The following LDB2 variants were observed in gnomAD, a reference collection of about 807,000 sequenced individuals.
LDB2 encodes LIM domain binding 2.
LDB2 carries 12 observed loss-of-function variants against 44.3 expected under a neutral mutation model. The observed-to-expected ratio is 0.27, with a 90% CI of 0.17 to 0.44. LDB2 has a LOEUF of 0.44. Ranked by LOEUF, LDB2 falls within the 20% of genes least tolerant of loss-of-function variation. The pLI is 1.00. For synonymous variants in LDB2, 164 were observed against 174.8 expected, an observed-to-expected ratio of 0.94 and a Z score of 0.49; for missense variants, 344 against 473.5, an observed-to-expected ratio of 0.73 and a Z score of 2.54.
At chr4:16,787,898 G>C (rs908385209) in intron 1 of LDB2, among the ~76,000 whole-genome samples, 2 of 152,136 alleles carry the variant, frequency 1.3e-5, no homozygotes, top group Non-Finnish European at 2.9e-5. Flanking sequence ...AGAAAGGGAA[G>C]TCAGGACCCA....
chr4:16,588,680 A>G (rs1358191735), intron 4 of LDB2, 30 bp downstream of exon 4: 1 of 1,608,090 alleles, frequency 6.2e-7, no homozygotes, highest in Admixed American at 1.7e-5. Context: ...AAAAAAGAAA[A>G]GAAAGCAAAA....
Position 16,645,406 on chromosome 4 carries a change from G to A in LDB2, c.236-49531C>T, listed in dbSNP as rs1464651400. Among the ~76,000 whole-genome samples the A allele has an allele frequency of 5.9e-5, 9 of 151,584 alleles. No individual in the cohort carries two copies. The South Asian group carries it at 1.5e-3, about 25-fold the overall frequency. On this transcript the variant is annotated intron_variant, in intron 2 of 7. Coordinates refer to ENST00000304523, the MANE Select transcript of LDB2 (RefSeq NM_001290.5). Reference sequence around the variant, plus strand: ...AAAAAAATTAGCCGGGCGCGGTGGCGGGCGCCTGTAGTCCCAGCTACTCGG... The same window carrying A: ...AAAAAAATTAGCCGGGCGCGGTGGCAGGCGCCTGTAGTCCCAGCTACTCGG...
At chr4:16,734,390 C>T (rs1211637021) in intron 2 of LDB2, among the ~76,000 whole-genome samples, 2 of 152,204 alleles carry the variant, frequency 1.3e-5, no homozygotes, top group African/African-American at 4.8e-5. Flanking sequence ...GCCAACTTTA[C>T]TAATCACTAG....
chr4:16,531,174 T>C lies in LDB2; in HGVS notation c.616-19070A>G, dbSNP rs138094258. On this transcript the variant is annotated intron_variant, in intron 5 of 7. Coordinates refer to ENST00000304523, the MANE Select transcript of LDB2 (RefSeq NM_001290.5). ...AAATGGATGATTCTGCAGCCCAAGTTCTTCCCACTACGCTCTACTATTACA... is the reference window on the plus strand; with the variant it reads ...AAATGGATGATTCTGCAGCCCAAGTCCTTCCCACTACGCTCTACTATTACA... Among the ~76,000 whole-genome samples, 40 of 152,312 alleles carry C rather than the reference T, an allele frequency of 2.6e-4. 1 individual carries two copies. Among genetic ancestry groups the C allele is most frequent in the African/African-American group, 8.9e-4 (37 of 41,566 alleles).
At chr4:16,646,840 A>G (rs1327320532) in intron 2 of LDB2, among the ~76,000 whole-genome samples, 1 of 152,180 alleles carries the variant, frequency 6.6e-6, no homozygotes, top group East Asian at 1.9e-4. Flanking sequence ...TGGTCAATAT[A>G]TCAGATATTA....
chr4:16,593,910 A>C (rs994556270), intron 3 of LDB2, among the ~76,000 whole-genome samples: 2 of 152,368 alleles, frequency 1.3e-5, no homozygotes, highest in Admixed American at 6.5e-5. Flanking sequence ...ACAAGTCCCA[A>C]ATGTTCAGCA....
intron 1 of LDB2, among the ~76,000 whole-genome samples, chr4:16,855,814 G>A (rs962401208): frequency 6.6e-6 from 1 of 152,094 alleles, no homozygotes; most frequent in Non-Finnish European, 1.5e-5. Context: ...GCAAAACTAA[G>A]TGAACTAATA....
chr4:16,595,692 C>G lies in LDB2; in HGVS notation c.408+11G>C, dbSNP rs774664925. 3.1e-6 allele frequency: 5 copies of G among 1,610,058 alleles called. 1 individual carries two copies. The South Asian group carries it at 5.5e-5, about 18-fold the overall frequency. On this transcript the variant is annotated intron_variant, in intron 3 of 7. Coordinates refer to ENST00000304523, the MANE Select transcript of LDB2 (RefSeq NM_001290.5). ...GGAAAAGCCGGGCATGTGACAGAGC[C>G]TGTCCTGTACCTTGGTAAACATGGG...
At chr4:16,583,995 C>T (rs3935821) in intron 5 of LDB2, among the ~76,000 whole-genome samples, 46,772 of 151,978 alleles carry the variant, frequency 0.31, 8,732 homozygotes, top group Middle Eastern at 0.57. Flanking sequence ...AAGAATGGAA[C>T]GAAGGCAGGG....
At chr4:16,612,263 G>C (rs1725873992) in intron 2 of LDB2, among the ~76,000 whole-genome samples, 15 of 152,072 alleles carry the variant, frequency 9.9e-5, no homozygotes, top group Admixed American at 9.2e-4. Flanking sequence ...CAGAAAACTA[G>C]AAAGATCTCA....
At chr4:16,821,125 A>C (rs1781882633) in intron 1 of LDB2, among the ~76,000 whole-genome samples, 1 of 152,168 alleles carries the variant, frequency 6.6e-6, no homozygotes, top group Admixed American at 6.5e-5. Context: ...TTTTCTGCAA[A>C]ATATTTTACC....
At chr4:16,611,868 T>C (rs534039801) in intron 2 of LDB2, among the ~76,000 whole-genome samples, 33 of 152,268 alleles carry the variant, frequency 2.2e-4, no homozygotes, top group Non-Finnish European at 4.6e-4. Context: ...GCAGACCTAG[T>C]AGGCGTCTAC....
At chr4:16,573,245 G>A (rs573973960) in intron 5 of LDB2, among the ~76,000 whole-genome samples, 1 of 152,306 alleles carries the variant, frequency 6.6e-6, no homozygotes, top group South Asian at 2.1e-4. Flanking sequence ...TATGATAATT[G>A]TTATTCTGGT....
chr4:16,630,672 G>A (rs1731676368), intron 2 of LDB2, among the ~76,000 whole-genome samples: 1 of 152,104 alleles, frequency 6.6e-6, no homozygotes, highest in South Asian at 2.1e-4. Flanking sequence ...AGACCCATCG[G>A]TGTGCTGTAT....
chr4:16,749,454 A>C (rs1765012126), intron 2 of LDB2, among the ~76,000 whole-genome samples: 1 of 150,850 alleles, frequency 6.6e-6, no homozygotes, highest in African/African-American at 2.4e-5. Context: ...GCTACTCGGG[A>C]GGCTGAGGCA....
chr4:16,531,809 T>C (rs546363066), intron 5 of LDB2, among the ~76,000 whole-genome samples: 1 of 152,200 alleles, frequency 6.6e-6, no homozygotes, highest in East Asian at 1.9e-4. Context: ...TAGAATAAAT[T>C]TTGTCTAGGA....
chr4:16,693,587 C>T lies in LDB2; in HGVS notation c.235+65571G>A, dbSNP rs376885673. ...GGCCAGGCTGGTCTTGAACTCCTGA[C>T]CTCGTGATCCCGGCCTTGTTTATTC... On this transcript the variant is annotated intron_variant, in intron 2 of 7. Coordinates refer to ENST00000304523, the MANE Select transcript of LDB2 (RefSeq NM_001290.5). 1.0e-3 allele frequency among the ~76,000 whole-genome samples: 156 copies of T among 152,230 alleles called. 1 individual carries two copies. Among genetic ancestry groups the T allele is most frequent in the African/African-American group, 3.6e-3 (150 of 41,546 alleles).
chr4:16,837,660 G>A (rs1785115440), intron 1 of LDB2, among the ~76,000 whole-genome samples: 2 of 152,192 alleles, frequency 1.3e-5, no homozygotes. Context: ...TGCCAAACAT[G>A]TGCATAAGGC....
intron 1 of LDB2, among the ~76,000 whole-genome samples, chr4:16,893,621 T>C (rs1724058137): frequency 6.6e-6 from 1 of 152,048 alleles, no homozygotes; most frequent in African/African-American, 2.4e-5. Context: ...TCATATTAAA[T>C]CCTGTGAAAC....
Sources: gnomAD v4.1 joint callset for allele counts (sites outside exome capture counted in the v4.1 genomes callset) on GRCh38, gnomAD v4.1.1 for gene constraint, MANE v1.5 for transcripts, NCBI Gene and HGNC (gene_info 2026-07-23, HGNC 2026-07-21) for gene names.